The following FSTL5 variants were observed in gnomAD, a reference collection of about 807,000 sequenced individuals.
FSTL5 encodes follistatin like 5.
FSTL5 carries 62 observed loss-of-function variants against 89.1 expected under a neutral mutation model. The ratio of observed to expected loss-of-function variants is 0.70; its 90% CI spans 0.57 to 0.86. The LOEUF (loss-of-function observed/expected upper bound fraction) is 0.86, where lower values mean the gene tolerates loss of function less well. Ranked by LOEUF, FSTL5 falls within the 40% of genes least tolerant of loss-of-function variation. The pLI is 0.00. For missense variants in FSTL5, 1,057 were observed against 1,001.6 expected (o/e 1.06, Z -0.75); for synonymous variants, 383 against 346.2 (o/e 1.11, Z -1.18).
intron 1 of FSTL5, among the ~76,000 whole-genome samples, chr4:162,162,884 A>ACCCCCCCC (rs1733748260): frequency 6.6e-6 from 1 of 151,890 alleles, no homozygotes. Context: ...TTAAATCAGA[A>ACCCCCCCC]CTTCCCATTT....
At chr4:161,805,552 C>T (rs1021554931) in intron 4 of FSTL5, among the ~76,000 whole-genome samples, 1 of 152,040 alleles carries the variant, frequency 6.6e-6, no homozygotes, top group African/African-American at 2.4e-5. Context: ...AGATTCCTTC[C>T]TCAGACAATT....
chr4:161,728,272 G>A (rs1350355187), intron 6 of FSTL5, among the ~76,000 whole-genome samples: 1 of 152,162 alleles, frequency 6.6e-6, no homozygotes, highest in Non-Finnish European at 1.5e-5. Flanking sequence ...AACATGGGGT[G>A]TTTTTAATGA....
rs575792839 is a variant in FSTL5 at position 162,145,761 on chromosome 4, A to G, written c.-17+17854T>C. ...ATTTCCATATGCTCAGATAGTTTAG[A>G]GAATCAAAAACATTGGTGAGTATTA... On this transcript the variant is annotated intron_variant, in intron 1 of 15. Coordinates refer to ENST00000306100, the MANE Select transcript of FSTL5 (RefSeq NM_020116.5). Among the ~76,000 whole-genome samples the G allele has an allele frequency of 3.3e-5, 5 of 152,306 alleles. No individual in the cohort carries two copies. The South Asian group carries it at 1.0e-3, about 32-fold the overall frequency.
chr4:162,034,476 A>T (rs1737657637), intron 2 of FSTL5, among the ~76,000 whole-genome samples: 1 of 152,154 alleles, frequency 6.6e-6, no homozygotes, highest in Non-Finnish European at 1.5e-5. Context: ...CAATTCTATG[A>T]TTTATTCAAA....
At chr4:161,659,467 AAGCACAGATT>A (rs1450217151) in intron 6 of FSTL5, among the ~76,000 whole-genome samples, 1 of 152,196 alleles carries the variant, frequency 6.6e-6, no homozygotes, top group Non-Finnish European at 1.5e-5. Context: ...AGTTATTAAG[AAGCACAGATT>A]AGCACAGATT....
At chr4:161,553,998 CAT>C (rs1367065004) in intron 8 of FSTL5, among the ~76,000 whole-genome samples, 2 of 151,462 alleles carry the variant, frequency 1.3e-5, no homozygotes, top group African/African-American at 2.4e-5. Flanking sequence ...ACTATATACA[CAT>C]GACCAATTGC....
chr4:161,644,082 T>C (rs1399493473), intron 7 of FSTL5, among the ~76,000 whole-genome samples: 1 of 152,090 alleles, frequency 6.6e-6, no homozygotes, highest in Non-Finnish European at 1.5e-5. Flanking sequence ...ACAAGTACTT[T>C]AGTTTTTTGA....
intron 6 of FSTL5, among the ~76,000 whole-genome samples, chr4:161,704,342 A>G (rs1308725513): frequency 6.6e-6 from 1 of 152,128 alleles, no homozygotes; most frequent in Non-Finnish European, 1.5e-5. Flanking sequence ...GTGTAAAAGC[A>G]AACTGTGCTC....
chr4:162,131,041 C>T (rs754938995), intron 1 of FSTL5, among the ~76,000 whole-genome samples: 13 of 152,166 alleles, frequency 8.5e-5, no homozygotes, highest in Non-Finnish European at 1.8e-4. Flanking sequence ...CCTATATAAA[C>T]ATGTCATTTG....
In FSTL5 at chr4:161,775,859, A is replaced by G. The variant is rs1292222067; in HGVS notation, c.606+19T>C. On this transcript the variant is annotated intron_variant, in intron 5 of 15. Transcript: ENST00000306100. ...ATGCTATATTTCAGTAAGTTTGTTA[A>G]TATAGTCACTAATCATACCTGAGTT... The G allele has an allele frequency of 7.7e-7, 1 of 1,303,204 alleles. No homozygotes were observed. Among genetic ancestry groups the G allele is most frequent in the East Asian group, 2.6e-5 (1 of 39,026 alleles). 80.7% of individuals were successfully genotyped at this position (1,303,204 alleles called of 1,614,324 possible).
intron 7 of FSTL5, among the ~76,000 whole-genome samples, chr4:161,609,472 T>C (rs1455541768): frequency 6.6e-6 from 1 of 152,142 alleles, no homozygotes; most frequent in Non-Finnish European, 1.5e-5. Context: ...CAAATATCCA[T>C]AAACACTTAA....
At chr4:162,009,892 T>C (rs1736711994) in intron 3 of FSTL5, among the ~76,000 whole-genome samples, 1 of 152,020 alleles carries the variant, frequency 6.6e-6, no homozygotes, top group South Asian at 2.1e-4. Context: ...AAATATAGCA[T>C]GCAATTGTTG....
At chr4:161,926,417 T>C (rs1734127194) in intron 3 of FSTL5, among the ~76,000 whole-genome samples, 1 of 95,336 alleles carries the variant, frequency 1.0e-5, no homozygotes, top group South Asian at 3.2e-4. Context: ...GTTTTGTTTT[T>C]TGTTTTTTTA....
chr4:161,647,131 C>A (rs1040316419), intron 7 of FSTL5, among the ~76,000 whole-genome samples: 1 of 152,116 alleles, frequency 6.6e-6, no homozygotes, highest in Non-Finnish European at 1.5e-5. Flanking sequence ...TTTACAGTGA[C>A]AGGTCTTTAT....
chr4:161,866,483 T>TGTGC lies in FSTL5; in HGVS notation c.409+53920_409+53921insGCAC, dbSNP rs913734573. On this transcript the variant is annotated intron_variant, in intron 4 of 15. Coordinates refer to ENST00000306100, the MANE Select transcript of FSTL5 (RefSeq NM_020116.5). ...AAGCTGTAGTGTGTGTGTGTGTGTG[T>TGTGC]GTGTGTGTGTGTGTGTGTGTGTGTG... Among the ~76,000 whole-genome samples the TGTGC allele has an allele frequency of 5.4e-3, 811 of 150,748 alleles. 5 individuals are homozygous for TGTGC. The highest frequency in any genetic ancestry group is 0.014 in the Middle Eastern group (4 of 292).
At chr4:162,109,204 C>G (rs2111402456) in intron 2 of FSTL5, among the ~76,000 whole-genome samples, 1 of 152,062 alleles carries the variant, frequency 6.6e-6, no homozygotes, top group East Asian at 1.9e-4. Flanking sequence ...AATAAAAGCT[C>G]TAATACAATC....
intron 15 of FSTL5, among the ~76,000 whole-genome samples, chr4:161,397,795 T>C (rs375541561): frequency 6.6e-6 from 1 of 151,810 alleles, no homozygotes; most frequent in East Asian, 1.9e-4. Context: ...ATATTCTGAC[T>C]ATAAAATGAA....
chr4:161,657,363 G>C (rs1467120364), intron 6 of FSTL5, among the ~76,000 whole-genome samples: 4 of 152,110 alleles, frequency 2.6e-5, no homozygotes, highest in African/African-American at 9.7e-5. Flanking sequence ...ATTATGATTT[G>C]AGTCTTGTAT....
At chr4:161,570,787 C>T (rs1012089512) in intron 8 of FSTL5, among the ~76,000 whole-genome samples, 1 of 152,088 alleles carries the variant, frequency 6.6e-6, no homozygotes, top group East Asian at 1.9e-4. Context: ...ATGCTCTGGA[C>T]CTAAAAGGAT....
Sources: allele counts gnomAD v4.1 joint callset (sites outside exome capture counted in the v4.1 genomes callset), GRCh38; gene constraint gnomAD v4.1.1; transcripts MANE v1.5; gene names NCBI Gene and HGNC (gene_info 2026-07-23, HGNC 2026-07-21).